Variants in ADH6 observed in about 807,000 individuals in gnomAD.
The protein encoded by ADH6 is alcohol dehydrogenase 6.
A neutral mutation model predicts 36.5 loss-of-function variants in ADH6; 34 were observed. The observed-to-expected ratio is 0.93, with a 90% CI of 0.71 to 1.24. The LOEUF is 1.24. Among genes scored for constraint, ADH6 ranks in the 50% most tolerant of loss-of-function variants. The pLI, the probability that ADH6 is intolerant of heterozygous loss-of-function variation, is 0.00. For missense variants in ADH6, 440 were observed against 447.0 expected (o/e 0.98, Z 0.14); for synonymous variants, 161 against 155.5 (o/e 1.04, Z -0.26).
chr4:99,211,397 T>C (rs1428765630), intron 3 of ADH6, among the ~76,000 whole-genome samples: 1 of 152,180 alleles, frequency 6.6e-6, no homozygotes, highest in African/African-American at 2.4e-5. Context: ...GTACATATAG[T>C]GCTCCATCAT....
chr4:99,205,230 T>C (rs905236520), intron 7 of ADH6, among the ~76,000 whole-genome samples, 167 bp from the exon 8 acceptor site: 3 of 152,052 alleles, frequency 2.0e-5, no homozygotes, highest in African/African-American at 7.2e-5. Context: ...ACACACATTA[T>C]ATAGAGGGCT....
At position 99,210,214 on chromosome 4, in the gene ADH6, G is replaced by A. The variant is rs1476337322; in HGVS notation, c.435C>T (p.Ser145=). Residue 145 remains serine (S), a synonymous_variant, in exon 5 of 9, where the codon AGC becomes AGT. Coordinates refer to ENST00000394899, the MANE Select transcript of ADH6 (RefSeq NM_001102470.2). ...GKSIYHFGNT[S]TFCEYTVIKE... Reference sequence around the variant, plus strand: ...TTATCACTGTGTATTCACAGAAGGTGCTGGTATTACCAAAGTGATATATTG... The same window carrying A: ...TTATCACTGTGTATTCACAGAAGGTACTGGTATTACCAAAGTGATATATTG... 2.5e-6 allele frequency: 4 copies of A among 1,613,754 alleles called. No individual in the cohort carries two copies. In the Admixed American group the frequency reaches 5.0e-5, roughly 20 times the overall value.
chr4:99,206,527 A>T (rs2110542957), intron 7 of ADH6, among the ~76,000 whole-genome samples: 1 of 152,000 alleles, frequency 6.6e-6, no homozygotes, highest in African/African-American at 2.4e-5. Context: ...CTGAAATTAC[A>T]GTTCTTCTAT....
intron 8 of ADH6, chr4:99,204,509 G>A (rs1423426746): frequency 1.6e-6 from 2 of 1,288,276 alleles, no homozygotes; most frequent in Non-Finnish European, 2.0e-6. Context: ...TCAAAGATAG[G>A]ATTCAGAATT....
At chr4:99,209,008 C>G (rs1226752215) in intron 5 of ADH6, 80 bp from the exon 6 acceptor site, 1 of 1,408,416 alleles carries the variant, frequency 7.1e-7, no homozygotes, top group African/African-American at 1.4e-5. Context: ...AAGGCTAAGT[C>G]TATATGCATG....
rs1443165579 is a variant in ADH6 at position 99,202,862 on chromosome 4, A to T, written c.*1357T>A. 5.0e-6 allele frequency: 2 copies of T among 397,536 alleles called. No individual in the cohort carries two copies. Among genetic ancestry groups the T allele is most frequent in the African/African-American group, 4.1e-5 (2 of 48,570 alleles). The allele number at this position is 397,536 out of a possible 1,614,324, so 24.6% of individuals were successfully genotyped here. On this transcript the variant is annotated 3_prime_UTR_variant, in exon 9 of 9. Coordinates refer to ENST00000394899, the MANE Select transcript of ADH6 (RefSeq NM_001102470.2). ...GAGGCTCCAGCTCAGACTTGGGAAG[A>T]TGGAGAAGAGCCATCCCAAGTCCAG...
rs763821141 is a variant in ADH6, at chr4:99,208,691, C to A, written c.805G>T (p.Ala269Ser). 1.2e-6 allele frequency: 2 copies of A among 1,613,372 alleles called. No individual in the cohort carries two copies. Among genetic ancestry groups the A allele is most frequent in the Non-Finnish European group, 1.7e-6 (2 of 1,179,602 alleles). Reference protein sequence around the residue: ...TDAGIDFCFEAIGNLDVLAAA... With the variant: ...TDAGIDFCFESIGNLDVLAAA... ...ACCAGAACGTCCAGATTTCCAATGG[C>A]CTCAAAGCAGAAGTCTATACCAGCA... The change falls in exon 6 of 9, where the codon GCC becomes TCC. Residue 269 changes from alanine (A) to serine (S), a missense_variant. Transcript: ENST00000394899.
intron 1 of ADH6, among the ~76,000 whole-genome samples, chr4:99,217,284 C>T (rs1441319529): frequency 1.3e-5 from 2 of 152,198 alleles, no homozygotes; most frequent in African/African-American, 2.4e-5. Flanking sequence ...GATCCGCCCA[C>T]CTTGGCCTCC....
intron 7 of ADH6, 61 bp downstream of exon 7, chr4:99,207,385 T>A: frequency 6.2e-7 from 1 of 1,602,204 alleles, no homozygotes; most frequent in Middle Eastern, 1.7e-4. Flanking sequence ...TTATGGTACA[T>A]TTTTCTATTT....
At chr4:99,205,433 A>AT (rs944426649) in intron 7 of ADH6, among the ~76,000 whole-genome samples, 1 of 151,984 alleles carries the variant, frequency 6.6e-6, no homozygotes, top group Admixed American at 6.6e-5. Context: ...AATATAGCAC[A>AT]TTTTTTTGTG....
intron 2 of ADH6, 49 bp downstream of exon 2, chr4:99,216,112 T>G (rs945280896): frequency 8.7e-7 from 1 of 1,154,910 alleles, no homozygotes; most frequent in Non-Finnish European, 1.2e-6. Context: ...AGTAAGAAGC[T>G]CTGGCTTTTG....
Position 99,212,641 on chromosome 4 carries a change from C to T in ADH6, c.262+965G>A, listed in dbSNP as rs150371506. On this transcript the variant is annotated intron_variant, in intron 3 of 8. Transcript: ENST00000394899. ...CCACATCTCTCCATTTTTCCCACCCCCAGCCTTTTAAAATGTTTTTTATTT... is the reference window on the plus strand; with the variant it reads ...CCACATCTCTCCATTTTTCCCACCCTCAGCCTTTTAAAATGTTTTTTATTT... 4.6e-3 allele frequency among the ~76,000 whole-genome samples: 703 copies of T among 151,942 alleles called. 6 individuals are homozygous for T. The highest frequency in any genetic ancestry group is 0.016 in the African/African-American group (656 of 41,482).
intron 8 of ADH6, 147 bp downstream of exon 8, chr4:99,204,778 G>C: frequency 2.3e-6 from 3 of 1,329,026 alleles, no homozygotes. Flanking sequence ...CAGAGGGGAA[G>C]GAGATGCTTT....
intron 8 of ADH6, 170 bp downstream of exon 8, chr4:99,204,755 A>G: frequency 7.7e-7 from 1 of 1,293,808 alleles, no homozygotes; most frequent in Non-Finnish European, 9.8e-7. Context: ...TTAGCTAGAA[A>G]TAAAACAAAA....
chr4:99,219,085 C>CA, intron 1 of ADH6, 50 bp downstream of exon 1: 1 of 1,583,942 alleles, frequency 6.3e-7, no homozygotes, highest in Non-Finnish European at 8.7e-7. Context: ...GAGATGAGCA[C>CA]ACAAACTGAC....
chr4:99,204,686 G>A, intron 8 of ADH6: 3 of 1,232,592 alleles, frequency 2.4e-6, no homozygotes, highest in Non-Finnish European at 3.0e-6. Context: ...GAAATACAAT[G>A]CTAATGGCAA....
intron 2 of ADH6, chr4:99,215,939 G>A (rs1731397159): frequency 6.3e-6 from 2 of 317,552 alleles, no homozygotes; most frequent in Admixed American, 4.9e-5. Flanking sequence ...ATAAGCCTGA[G>A]TTTTATCCTT....
At chr4:99,207,052 T>C (rs1438904249) in intron 7 of ADH6, among the ~76,000 whole-genome samples, 1 of 152,078 alleles carries the variant, frequency 6.6e-6, no homozygotes, top group African/African-American at 2.4e-5. Context: ...TTGTTTGGGA[T>C]AAGATTTTAC....
Position 99,210,314 on chromosome 4 carries a change from C to A in ADH6, c.351-16G>T, listed in dbSNP as rs376669281. The A allele has an allele frequency of 7.5e-6, 12 of 1,606,524 alleles. No homozygotes were observed. The highest frequency in any genetic ancestry group is 1.3e-5 in the African/African-American group (1 of 74,500). On this transcript the variant is annotated splice_polypyrimidine_tract_variant and intron_variant, in intron 4 of 8. Transcript: ENST00000394899. ...TTTTGACTGTCTTTTATAGACAAAACAAAAAACAAAACACAAAGTTTATTT... is the reference window on the plus strand; with the variant it reads ...TTTTGACTGTCTTTTATAGACAAAAAAAAAAACAAAACACAAAGTTTATTT...
Sources: gnomAD v4.1 joint callset for allele counts (sites outside exome capture counted in the v4.1 genomes callset) on GRCh38, gnomAD v4.1.1 for gene constraint, MANE v1.5 for transcripts, NCBI Gene and HGNC (gene_info 2026-07-23, HGNC 2026-07-21) for gene names.